Variants in EPHA3 observed in about 807,000 individuals in gnomAD.
The protein encoded by EPHA3 is EPH receptor A3.
In EPHA3, 42 loss-of-function variants were observed where a neutral mutation model predicts 107.1. The ratio of observed to expected loss-of-function variants is 0.39; its 90% confidence interval spans 0.31 to 0.51. The LOEUF is 0.51. Among genes scored for constraint, EPHA3 ranks in the 20% least tolerant of loss-of-function variants. The probability of loss-of-function intolerance (pLI) is 0.78; values close to 1 mark genes in which losing one functional copy is unlikely to be tolerated. For missense variants in EPHA3, 1,183 were observed against 1,211.2 expected (o/e 0.98, Z 0.35); for synonymous variants, 461 against 424.8 (o/e 1.09, Z -1.05).
At chr3:89,432,411 C>A (rs1337034905) in intron 13 of EPHA3, among the ~76,000 whole-genome samples, 1 of 151,914 alleles carries the variant, frequency 6.6e-6, no homozygotes, top group Non-Finnish European at 1.5e-5. Flanking sequence ...TAGGCAGGGT[C>A]TCACTCTGTC....
rs534424473 is a variant in EPHA3, at chr3:89,466,898, T to C, written c.2691-5566T>C. ...ATCTTAAAATCAAAACAGCTAATTT[T>C]ACCACACGGAGGAATTAAACCAGGT... is the stretch of plus-strand genomic sequence containing the variant. On this transcript the variant is annotated intron_variant, in intron 15 of 16. Transcript: ENST00000336596. Among the ~76,000 whole-genome samples the C allele has an allele frequency of 3.3e-3, 493 of 151,688 alleles. 4 individuals carry two copies. Among genetic ancestry groups the C allele is most frequent in the African/African-American group, 9.6e-3 (396 of 41,332 alleles).
At chr3:89,445,885 T>C (rs765752174) in intron 13 of EPHA3, among the ~76,000 whole-genome samples, 3 of 152,140 alleles carry the variant, frequency 2.0e-5, no homozygotes, top group Admixed American at 6.5e-5. Context: ...GAATATTTTG[T>C]TAAAAATTAG....
chr3:89,250,503 C>G (rs1463706980), intron 3 of EPHA3, among the ~76,000 whole-genome samples: 1 of 152,112 alleles, frequency 6.6e-6, no homozygotes, highest in Non-Finnish European at 1.5e-5. Context: ...AGTCATGTTA[C>G]TTTCTTAATT....
At chr3:89,139,987 C>G (rs1163514541) in intron 2 of EPHA3, among the ~76,000 whole-genome samples, 1 of 151,768 alleles carries the variant, frequency 6.6e-6, no homozygotes. Context: ...CTTTTCTCAG[C>G]AGGTGAAAAA....
At chr3:89,434,781 C>G (rs1709634318) in intron 13 of EPHA3, among the ~76,000 whole-genome samples, 1 of 152,174 alleles carries the variant, frequency 6.6e-6, no homozygotes, top group African/African-American at 2.4e-5. Context: ...GAAACAGGCT[C>G]TTTGCATTTC....
At chr3:89,374,501 A>G (rs1708365778) in intron 5 of EPHA3, among the ~76,000 whole-genome samples, 2 of 151,930 alleles carry the variant, frequency 1.3e-5, no homozygotes, top group African/African-American at 4.8e-5. Flanking sequence ...TCTTCCACCC[A>G]TGAAATTGCT....
At chr3:89,119,391 A>C (rs1707328644) in intron 1 of EPHA3, among the ~76,000 whole-genome samples, 2 of 152,120 alleles carry the variant, frequency 1.3e-5, no homozygotes, top group African/African-American at 4.8e-5. Context: ...TTTTCTGACT[A>C]TTCCAGTGCG....
rs141246197 is a variant in EPHA3, at chr3:89,469,345, T to C, written c.2691-3119T>C. Among the ~76,000 whole-genome samples, 54 of 152,276 alleles carry C rather than the reference T, an allele frequency of 3.5e-4. 1 individual carries two copies. Among genetic ancestry groups the C allele is most frequent in the African/African-American group, 1.2e-3 (51 of 41,554 alleles). On this transcript the variant is annotated intron_variant, in intron 15 of 16. Coordinates refer to ENST00000336596, the MANE Select transcript of EPHA3 (RefSeq NM_005233.6). ...GAGTCAGAACCAATGTTGCAATTTT[T>C]TTTTCCTGAAACTCAGGGTTAAAAC... is the stretch of plus-strand genomic sequence containing the variant.
At chr3:89,269,642 T>G (rs1387640947) in intron 3 of EPHA3, among the ~76,000 whole-genome samples, 1 of 151,008 alleles carries the variant, frequency 6.6e-6, no homozygotes, top group African/African-American at 2.4e-5. Flanking sequence ...TTAGGGTACA[T>G]GTGCACATTG....
rs968860041 is a variant in EPHA3, at chr3:89,353,441, T to C, written c.1306+11351T>C. ...TTTTATGATTAATGAAACCTAAAAA[T>C]CAAAGTCTTAACATTTTGTTTATCT... On this transcript the variant is annotated intron_variant, in intron 5 of 16. Transcript: ENST00000336596. Among the ~76,000 whole-genome samples, 6 of 151,370 alleles carry C rather than the reference T, an allele frequency of 4.0e-5. 1 individual carries two copies. Among genetic ancestry groups the C allele is most frequent in the Admixed American group, 3.3e-4 (5 of 15,120 alleles).
rs935625734 is a variant in EPHA3, at chr3:89,480,088, C to A, written c.*586C>A. ...TACACATTTTTAAATTGTTAGCTTC[C>A]TTAAGTATATCATGTAAAGAAATGT... is the stretch of plus-strand genomic sequence containing the variant. On this transcript the variant is annotated 3_prime_UTR_variant, in exon 17 of 17. Coordinates refer to ENST00000336596, the MANE Select transcript of EPHA3 (RefSeq NM_005233.6). 3.4e-5 allele frequency: 8 copies of A among 232,612 alleles called. No individual in the cohort carries two copies. The highest frequency in any genetic ancestry group is 1.3e-4 in the African/African-American group (6 of 45,292). The allele number at this position is 232,612 out of a possible 1,614,324, so 14.4% of individuals were successfully genotyped here.
At position 89,453,900 on chromosome 3, in the gene EPHA3, T is replaced by C. The variant is rs370060071; in HGVS notation, c.2690+3530T>C. ...TCTTTCCTCTAATTATAAAAGGCAG[T>C]GTCCCTCTATTTGTCAGAGGCTAAT... On this transcript the variant is annotated intron_variant, in intron 15 of 16. Coordinates refer to ENST00000336596, the MANE Select transcript of EPHA3 (RefSeq NM_005233.6). Among the ~76,000 whole-genome samples the C allele has an allele frequency of 3.9e-5, 6 of 152,234 alleles. No homozygotes were observed. In the East Asian group the frequency reaches 1.2e-3, roughly 29 times the overall value.
chr3:89,190,800 G>A (rs954641814), intron 2 of EPHA3, among the ~76,000 whole-genome samples: 6 of 152,064 alleles, frequency 3.9e-5, no homozygotes, highest in Admixed American at 1.3e-4. Flanking sequence ...CTGTCTTCTC[G>A]TGTCTCTTCA....
rs192818453 is a variant in EPHA3, at chr3:89,320,025, T to A, written c.815-20891T>A. On this transcript the variant is annotated intron_variant, in intron 3 of 16. Coordinates refer to ENST00000336596, the MANE Select transcript of EPHA3 (RefSeq NM_005233.6). The stretch of plus-strand genomic sequence containing the variant: ...AAGTATGTATTTAAGCATGAGTTTT[T>A]TCAGAATGTTCACAATTCTGAGCAC... Among the ~76,000 whole-genome samples the A allele has an allele frequency of 1.4e-4, 21 of 152,068 alleles. 1 individual carries two copies. In the East Asian group the frequency reaches 4.1e-3, roughly 30 times the overall value.
intron 11 of EPHA3, among the ~76,000 whole-genome samples, chr3:89,428,215 A>C (rs1427092591): frequency 1.3e-5 from 2 of 152,026 alleles, no homozygotes; most frequent in African/African-American, 2.4e-5. Flanking sequence ...CGAAAGTGAC[A>C]GCATAGTGTG....
intron 3 of EPHA3, among the ~76,000 whole-genome samples, chr3:89,214,237 C>T (rs913126750): frequency 1.3e-5 from 2 of 151,904 alleles, no homozygotes; most frequent in African/African-American, 4.8e-5. Context: ...AATTTTGTGG[C>T]TAAACATTTT....
chr3:89,183,593 A>C (rs1292071249), intron 2 of EPHA3, among the ~76,000 whole-genome samples: 1 of 151,922 alleles, frequency 6.6e-6, no homozygotes, highest in African/African-American at 2.4e-5. Flanking sequence ...ACACACACAC[A>C]TGGCCTCCAA....
chr3:89,353,345 A>T (rs763551494), intron 5 of EPHA3, among the ~76,000 whole-genome samples: 1 of 151,390 alleles, frequency 6.6e-6, no homozygotes, highest in Non-Finnish European at 1.5e-5. Flanking sequence ...CATAATGAAA[A>T]TCACCTAACA....
At chr3:89,241,259 G>A (rs1281984469) in intron 3 of EPHA3, among the ~76,000 whole-genome samples, 1 of 152,012 alleles carries the variant, frequency 6.6e-6, no homozygotes, top group Non-Finnish European at 1.5e-5. Flanking sequence ...TTACCTCCAC[G>A]TGTCTGGTGG....
Sources: gnomAD v4.1 joint callset for allele counts (sites outside exome capture counted in the v4.1 genomes callset) on GRCh38, gnomAD v4.1.1 for gene constraint, MANE v1.5 for transcripts, NCBI Gene and HGNC (gene_info 2026-07-23, HGNC 2026-07-21) for gene names.